Variants in THSD7B observed in about 807,000 individuals in gnomAD.
The protein encoded by THSD7B is thrombospondin type 1 domain containing 7B.
In THSD7B, 138 loss-of-function variants were observed where a neutral mutation model predicts 213.6. The ratio of observed to expected loss-of-function variants is 0.65; its 90% CI spans 0.56 to 0.74. THSD7B has a LOEUF of 0.74. THSD7B is among the 30% of genes least tolerant of loss of function. THSD7B has a pLI of 0.00. For synonymous variants in THSD7B, 742 were observed against 687.0 expected (o/e 1.08, Z -1.25); for missense variants, 1,931 against 1,991.5 (o/e 0.97, Z 0.58).
At chr2:137,380,617 G>C (rs1453013533) in intron 12 of THSD7B, among the ~76,000 whole-genome samples, 1 of 152,228 alleles carries the variant, frequency 6.6e-6, no homozygotes, top group African/African-American at 2.4e-5. Context: ...GAGGGGTATA[G>C]GCAGCCTCTG....
rs144833031 is a variant in THSD7B at position 137,318,199 on chromosome 2, G to T, written c.2500+42173G>T. On this transcript the variant is annotated intron_variant, in intron 12 of 27. Transcript: ENST00000409968. ...CATGATTAAATCTGGAGACTCAAAT[G>T]ATATCATCAGGGCTTGGGTTTTCTT... Among the ~76,000 whole-genome samples, 11 of 152,276 alleles carry T rather than the reference G, an allele frequency of 7.2e-5. 1 individual carries two copies. The East Asian group carries it at 1.7e-3, about 24-fold the overall frequency.
chr2:137,627,629 G>A (rs1682656038), intron 20 of THSD7B, among the ~76,000 whole-genome samples: 1 of 152,194 alleles, frequency 6.6e-6, no homozygotes, highest in African/African-American at 2.4e-5. Context: ...CAATTAAAAA[G>A]GTGCTCATCT....
At chr2:137,209,582 G>A (rs1421843320) in intron 7 of THSD7B, among the ~76,000 whole-genome samples, 1 of 151,916 alleles carries the variant, frequency 6.6e-6, no homozygotes, top group African/African-American at 2.4e-5. Flanking sequence ...GTTTAACATT[G>A]AAATTTAAGA....
chr2:137,337,346 C>G (rs1037724958), intron 12 of THSD7B, among the ~76,000 whole-genome samples: 1 of 152,038 alleles, frequency 6.6e-6, no homozygotes, highest in African/African-American at 2.4e-5. Context: ...AAGATCACCT[C>G]TCATTTATTT....
chr2:137,153,058 A>G (rs1385314088), intron 5 of THSD7B, among the ~76,000 whole-genome samples: 1 of 152,186 alleles, frequency 6.6e-6, no homozygotes, highest in Non-Finnish European at 1.5e-5. Flanking sequence ...AGAAATAATC[A>G]GAAAATAAGT....
intron 2 of THSD7B, among the ~76,000 whole-genome samples, chr2:136,912,987 G>C (rs1684292028): frequency 6.6e-6 from 1 of 152,220 alleles, no homozygotes; most frequent in African/African-American, 2.4e-5. Flanking sequence ...GAGATTGGAA[G>C]AGTTTGAAGG....
intron 7 of THSD7B, 144 bp downstream of exon 7, chr2:137,171,082 A>G: frequency 3.2e-6 from 3 of 936,430 alleles, no homozygotes; most frequent in Non-Finnish European, 4.8e-6. Context: ...ATCGAGTGAC[A>G]CATTGCTGCA....
chr2:137,143,727 T>A (rs911165521), intron 5 of THSD7B, among the ~76,000 whole-genome samples: 9 of 152,142 alleles, frequency 5.9e-5, no homozygotes, highest in African/African-American at 1.9e-4. Context: ...ACCTTGCTCT[T>A]ATTTCCCCTA....
At chr2:137,595,282 C>A (rs953681265) in intron 17 of THSD7B, among the ~76,000 whole-genome samples, 1 of 151,974 alleles carries the variant, frequency 6.6e-6, no homozygotes, top group African/African-American at 2.4e-5. Flanking sequence ...AAATGCTATA[C>A]CTGCTCCTTT....
chr2:137,006,176 G>A (rs1446288406), intron 2 of THSD7B, among the ~76,000 whole-genome samples: 2 of 152,066 alleles, frequency 1.3e-5, no homozygotes, highest in East Asian at 3.9e-4. Context: ...GGCAGATCAC[G>A]AGGTCAGGAG....
At position 137,572,489 on chromosome 2, in the gene THSD7B, C is replaced by T. The variant is rs1332910474; in HGVS notation, c.3356C>T (p.Ser1119Phe). ...NQDEIPPETQSCSLMCPNECV... is the reference protein window; with the variant it reads ...NQDEIPPETQFCSLMCPNECV... ...GATGAAATTCCCCCAGAAACCCAGTCCTGTTCTCTTATGTGTCCCAATGAG... is the reference window on the plus strand; with the variant it reads ...GATGAAATTCCCCCAGAAACCCAGTTCTGTTCTCTTATGTGTCCCAATGAG... Residue 1119 changes from serine (S) to phenylalanine (F), a missense_variant, in exon 17 of 28, where the codon TCC becomes TTC. Physicochemically the swap from Ser to Phe is radical, Grantham distance 155. Coordinates refer to ENST00000409968, the MANE Select transcript of THSD7B (RefSeq NM_001316349.2). The T allele has an allele frequency of 1.9e-6, 3 of 1,613,742 alleles. No homozygotes were observed. Among genetic ancestry groups the T allele is most frequent in the East Asian group, 2.2e-5 (1 of 44,878 alleles).
At chr2:137,580,808 G>A (rs1261924880) in intron 17 of THSD7B, among the ~76,000 whole-genome samples, 2 of 152,170 alleles carry the variant, frequency 1.3e-5, no homozygotes, top group Non-Finnish European at 2.9e-5. Flanking sequence ...GAGCAAGAGA[G>A]AAGGGGAATA....
intron 2 of THSD7B, among the ~76,000 whole-genome samples, chr2:137,043,555 GAGAGGA>G (rs983803027): frequency 2.0e-5 from 3 of 152,202 alleles, no homozygotes; most frequent in Non-Finnish European, 2.9e-5. Context: ...GAGAAGAGCA[GAGAGGA>G]AGCTTTTGTT....
chr2:137,574,902 G>A (rs1681427443), intron 17 of THSD7B, among the ~76,000 whole-genome samples: 1 of 152,054 alleles, frequency 6.6e-6, no homozygotes, highest in South Asian at 2.1e-4. Flanking sequence ...TTAGAAAAAG[G>A]AAACAATTAT....
chr2:137,115,555 T>C (rs183793585), intron 5 of THSD7B, among the ~76,000 whole-genome samples: 174 of 152,304 alleles, frequency 1.1e-3, no homozygotes, highest in African/African-American at 4.0e-3. Flanking sequence ...GTAGCATAGA[T>C]AAATGCTACA....
At chr2:136,766,568 C>T (rs1275423987) in intron 1 of THSD7B, among the ~76,000 whole-genome samples, 1 of 151,990 alleles carries the variant, frequency 6.6e-6, no homozygotes, top group Non-Finnish European at 1.5e-5. Context: ...TTGCAGGGGA[C>T]GAGGGAATGT....
At chr2:136,988,007 T>C (rs957333765) in intron 2 of THSD7B, among the ~76,000 whole-genome samples, 5 of 152,244 alleles carry the variant, frequency 3.3e-5, no homozygotes, top group Non-Finnish European at 7.3e-5. Flanking sequence ...AAAACCTTTA[T>C]TGAAATATAA....
In THSD7B at chr2:137,076,925, T is replaced by G. The variant is rs185311628; in HGVS notation, c.951-17948T>G. Among the ~76,000 whole-genome samples, 319 of 152,044 alleles carry G rather than the reference T, an allele frequency of 2.1e-3. 2 individuals are homozygous for G. Among genetic ancestry groups the G allele is most frequent in the South Asian group, 5.0e-3 (24 of 4,812 alleles). On this transcript the variant is annotated intron_variant, in intron 3 of 27. Coordinates refer to ENST00000409968, the MANE Select transcript of THSD7B (RefSeq NM_001316349.2). ...GTGCCATGTTGGTGTGCTACACCCA[T>G]TAACTTGTCATTTAACATTAGGTAT... is the stretch of plus-strand genomic sequence containing the variant.
rs181428207 is a variant in THSD7B, at chr2:137,345,279, A to C, written c.2501-60334A>C. Among the ~76,000 whole-genome samples, 380 of 151,866 alleles carry C rather than the reference A, an allele frequency of 2.5e-3. 1 individual carries two copies. Among genetic ancestry groups the C allele is most frequent in the African/African-American group, 8.6e-3 (359 of 41,512 alleles). On this transcript the variant is annotated intron_variant, in intron 12 of 27. Transcript: ENST00000409968. The stretch of plus-strand genomic sequence containing the variant: ...GAAGAGAGGTTAATCGAGGAAGTAC[A>C]TTCAGAATAAAACACATTTTGACAT...
Sources: allele counts gnomAD v4.1 joint callset (sites outside exome capture counted in the v4.1 genomes callset), GRCh38; gene constraint gnomAD v4.1.1; transcripts MANE v1.5; gene names NCBI Gene and HGNC (gene_info 2026-07-23, HGNC 2026-07-21).